PABPC4L: variants seen among roughly 807,000 people sequenced by gnomAD.
PABPC4L encodes the protein poly(A) binding protein cytoplasmic 4 like.
For missense variants in PABPC4L, 452 were observed against 451.4 expected, an observed-to-expected ratio of 1.00 and a Z score of -0.01; for synonymous variants, 169 against 164.1, an observed-to-expected ratio of 1.03 and a Z score of -0.23.
At chr4:133,963,192 T>C in the PABPC4L span, among the ~76,000 whole-genome samples, 4 of 152,150 alleles carry the variant, frequency 2.6e-5, no homozygotes, top group Non-Finnish European at 2.9e-5. Flanking sequence ...GGGTAGCTAT[T>C]TTTATATCAG....
the PABPC4L span, among the ~76,000 whole-genome samples, chr4:134,127,348 C>G: frequency 6.6e-6 from 1 of 152,086 alleles, no homozygotes; most frequent in African/African-American, 2.4e-5. Flanking sequence ...ACTACCAACA[C>G]AAAACCAGTG....
chr4:134,136,055 T>C, the PABPC4L span, among the ~76,000 whole-genome samples: 3 of 152,204 alleles, frequency 2.0e-5, no homozygotes, highest in Middle Eastern at 3.4e-3. Flanking sequence ...TCAGATCGAA[T>C]CCCATGACCC....
chr4:134,083,501 A>G, the PABPC4L span, among the ~76,000 whole-genome samples: 6 of 152,120 alleles, frequency 3.9e-5, no homozygotes, highest in African/African-American at 1.4e-4. Flanking sequence ...GTACTGAACA[A>G]CGTGTGACAG....
the PABPC4L span, among the ~76,000 whole-genome samples, chr4:134,073,686 T>A: frequency 6.6e-6 from 1 of 152,222 alleles, no homozygotes; most frequent in African/African-American, 2.4e-5. Context: ...GACTTCTGCC[T>A]GCACATCCAA....
chr4:134,061,976 G>A, the PABPC4L span, among the ~76,000 whole-genome samples: 1 of 151,440 alleles, frequency 6.6e-6, no homozygotes, highest in South Asian at 2.1e-4. Context: ...TATGCATCAA[G>A]GAAAATGCAA....
the PABPC4L span, among the ~76,000 whole-genome samples, chr4:134,037,446 GGAAGT>G: frequency 6.6e-6 from 1 of 151,892 alleles, no homozygotes; most frequent in South Asian, 2.1e-4. Flanking sequence ...TACTATCTTT[GGAAGT>G]TTTAATATGT....
At chr4:134,080,016 T>C in the PABPC4L span, among the ~76,000 whole-genome samples, 2 of 152,088 alleles carry the variant, frequency 1.3e-5, no homozygotes, top group Non-Finnish European at 2.9e-5. Flanking sequence ...TAAATTACTT[T>C]TAACCTACAG....
chr4:134,188,236 T>C, the PABPC4L span, among the ~76,000 whole-genome samples: 1 of 152,118 alleles, frequency 6.6e-6, no homozygotes, highest in Non-Finnish European at 1.5e-5. Flanking sequence ...AGGGCAAGTG[T>C]ATGCCCATGA....
chr4:134,045,609 C>T, the PABPC4L span, among the ~76,000 whole-genome samples: 5 of 152,130 alleles, frequency 3.3e-5, no homozygotes, highest in Non-Finnish European at 5.9e-5. Context: ...TTCTAACCAG[C>T]AGCGTGGGTC....
the PABPC4L span, among the ~76,000 whole-genome samples, chr4:134,117,910 T>C: frequency 1.3e-5 from 2 of 151,692 alleles, no homozygotes; most frequent in Non-Finnish European, 2.9e-5. Flanking sequence ...AACAATGATC[T>C]GGGATGAAGT....
chr4:133,964,478 A>G, the PABPC4L span, among the ~76,000 whole-genome samples: 1 of 152,164 alleles, frequency 6.6e-6, no homozygotes, highest in Non-Finnish European at 1.5e-5. Flanking sequence ...TGAAGTCAGC[A>G]TCACCCTAAT....
At chr4:134,055,029 G>C in the PABPC4L span, among the ~76,000 whole-genome samples, 1 of 151,812 alleles carries the variant, frequency 6.6e-6, no homozygotes, top group African/African-American at 2.4e-5. Context: ...TACATGCTAG[G>C]GTTTGGTGTT....
At chr4:134,153,835 T>G in the PABPC4L span, among the ~76,000 whole-genome samples, 1 of 147,928 alleles carries the variant, frequency 6.8e-6, no homozygotes, top group Non-Finnish European at 1.5e-5. Context: ...TTTTTTTTTT[T>G]TTGTAGAGAC....
At chr4:133,981,253 T>C in the PABPC4L span, among the ~76,000 whole-genome samples, 1 of 152,216 alleles carries the variant, frequency 6.6e-6, no homozygotes, top group African/African-American at 2.4e-5. Context: ...GAAATACTTT[T>C]AGGCAACCCT....
the PABPC4L span, among the ~76,000 whole-genome samples, chr4:133,964,791 C>T: frequency 2.0e-5 from 3 of 152,106 alleles, no homozygotes; most frequent in African/African-American, 7.2e-5. Flanking sequence ...AAACTCTCAG[C>T]AAAATCAGCA....
At chr4:134,148,981 G>A in the PABPC4L span, among the ~76,000 whole-genome samples, 1 of 152,050 alleles carries the variant, frequency 6.6e-6, no homozygotes, top group South Asian at 2.1e-4. Flanking sequence ...ATTCTCAATT[G>A]CATCACTGGG....
At chr4:134,100,830 C>A in the PABPC4L span, among the ~76,000 whole-genome samples, 1 of 151,096 alleles carries the variant, frequency 6.6e-6, no homozygotes, top group Non-Finnish European at 1.5e-5. Context: ...AGACAATGTG[C>A]GAGAGATCTA....
At chr4:134,064,129 T>G in the PABPC4L span, among the ~76,000 whole-genome samples, 1 of 152,058 alleles carries the variant, frequency 6.6e-6, no homozygotes, top group Non-Finnish European at 1.5e-5. Flanking sequence ...TATAAATATT[T>G]ATAATGTGTA....
the PABPC4L span, among the ~76,000 whole-genome samples, chr4:134,187,241 C>T: frequency 1.3e-5 from 2 of 151,988 alleles, no homozygotes; most frequent in Non-Finnish European, 2.9e-5. Flanking sequence ...AACGTAGACA[C>T]ACGTATGGTT....
Sources: allele counts gnomAD v4.1 joint callset (sites outside exome capture counted in the v4.1 genomes callset), GRCh38; gene constraint gnomAD v4.1.1; transcripts MANE v1.5; gene names NCBI Gene and HGNC (gene_info 2026-07-23, HGNC 2026-07-21).